DERA: variants seen among roughly 807,000 people sequenced by gnomAD.
DERA encodes deoxyribose-phosphate aldolase.
Under a neutral mutation model 41.1 loss-of-function variants are expected in DERA, and 15 were observed. That is an observed-to-expected ratio of 0.37 (90% confidence interval 0.24 to 0.56). The LOEUF (loss-of-function observed/expected upper bound fraction) is 0.56. Among genes scored for constraint, DERA ranks in the 20% least tolerant of loss-of-function variants. The pLI is 0.81. For synonymous variants in DERA, 139 were observed against 137.4 expected (o/e 1.01, Z -0.08); for missense variants, 396 against 403.4 (o/e 0.98, Z 0.16).
chr12:15,944,121 G>A (rs1028884066), intron 1 of DERA, among the ~76,000 whole-genome samples: 1 of 151,686 alleles, frequency 6.6e-6, no homozygotes, highest in Non-Finnish European at 1.5e-5. Context: ...CTTAATCCAG[G>A]GTATCATTGA....
intron 1 of DERA, among the ~76,000 whole-genome samples, chr12:15,947,002 G>A (rs1443909104): frequency 6.6e-6 from 1 of 152,200 alleles, no homozygotes; most frequent in Admixed American, 6.5e-5. Flanking sequence ...TTATTCAGGA[G>A]CAGGTTGTTC....
chr12:15,912,133 T>G (rs1591994225), intron 1 of DERA, among the ~76,000 whole-genome samples: 1 of 151,620 alleles, frequency 6.6e-6, no homozygotes, highest in Non-Finnish European at 1.5e-5. Context: ...TGAACAAAGG[T>G]CTCTGGTTTT....
At chr12:15,914,395 A>ATT (rs1948185376) in intron 1 of DERA, among the ~76,000 whole-genome samples, 1 of 143,432 alleles carries the variant, frequency 7.0e-6, no homozygotes, top group African/African-American at 2.6e-5. Flanking sequence ...AAAAAAGATA[A>ATT]AAAAAAAAAA....
chr12:15,956,831 G>A (rs759437437), intron 1 of DERA, 105 bp from the exon 2 acceptor site: 5 of 854,558 alleles, frequency 5.9e-6, no homozygotes, highest in East Asian at 2.4e-5. Flanking sequence ...TTAAAAAAAG[G>A]TTGATGTCAA....
At chr12:16,018,228 G>T (rs1273737135) in intron 6 of DERA, among the ~76,000 whole-genome samples, 3 of 151,998 alleles carry the variant, frequency 2.0e-5, no homozygotes, top group Non-Finnish European at 2.9e-5. Context: ...AAGTCTGAAT[G>T]AGATTTTCAA....
In DERA at chr12:15,981,369, A is replaced by G. The variant is rs1483599932; in HGVS notation, c.509-939A>G. ...TCTCAAAAACCAAAAAACAAAAAAC[A>G]AAAAAACCTACTTCCTATGAAAGAT... On this transcript the variant is annotated intron_variant, in intron 5 of 8. Coordinates refer to ENST00000428559, the MANE Select transcript of DERA (RefSeq NM_015954.4). The surrounding 1 kb of genome is among the most constrained non-coding windows in gnomAD (Gnocchi z 6.1). 1.3e-5 allele frequency among the ~76,000 whole-genome samples: 2 copies of G among 152,076 alleles called. No individual in the cohort carries two copies. The highest frequency in any genetic ancestry group is 1.5e-5 in the Non-Finnish European group (1 of 68,000).
chr12:15,964,749 C>G (rs781605908), intron 5 of DERA, among the ~76,000 whole-genome samples: 1 of 152,144 alleles, frequency 6.6e-6, no homozygotes, highest in Non-Finnish European at 1.5e-5. Flanking sequence ...TTATAACTTA[C>G]ACCTTTTATT....
intron 6 of DERA, among the ~76,000 whole-genome samples, chr12:16,005,324 C>T (rs1948901910): frequency 6.6e-6 from 1 of 152,060 alleles, no homozygotes; most frequent in Non-Finnish European, 1.5e-5. Context: ...GGCGCACCTA[C>T]AGTCCTAGCT....
In DERA at chr12:15,940,839, C is replaced by T. The variant is rs983393194; in HGVS notation, c.32-16097C>T. On this transcript the variant is annotated intron_variant, in intron 1 of 8. Coordinates refer to ENST00000428559, the MANE Select transcript of DERA (RefSeq NM_015954.4). The surrounding 1 kb of genome is among the most constrained non-coding windows in gnomAD (Gnocchi z 5.1). ...ACTACTAATTTTTTGAGGTAGATACCGATGCTTTTTAGCAGATTTAGGTCA... is the reference window on the plus strand; with the variant it reads ...ACTACTAATTTTTTGAGGTAGATACTGATGCTTTTTAGCAGATTTAGGTCA... 5.3e-5 allele frequency among the ~76,000 whole-genome samples: 8 copies of T among 151,942 alleles called. No homozygotes were observed. The highest frequency in any genetic ancestry group is 2.1e-4 in the South Asian group (1 of 4,820).
In DERA at chr12:15,982,325, C is replaced by G. The variant is rs757878771; in HGVS notation, c.526C>G (p.Arg176Gly). Residue 176 changes from arginine (R) to glycine (G), a missense_variant, in exon 6 of 9, where the codon CGT (arginine) becomes GGT (glycine). Arg to Gly is a moderately radical substitution (Grantham distance 125). Transcript: ENST00000428559. The surrounding 1 kb of genome is among the most constrained non-coding windows in gnomAD (Gnocchi z 4.0). Reference sequence around the variant, plus strand: ...TTCCCCAGCCCTGTATGATGAGATTCGTCAGTTTCGCAAGGCCTGTGGGGA... The same window carrying G: ...TTCCCCAGCCCTGTATGATGAGATTGGTCAGTTTCGCAAGGCCTGTGGGGA... ...GQWEALYDEIRQFRKACGEAH... is the reference protein window; with the variant it reads ...GQWEALYDEIGQFRKACGEAH... The G allele has an allele frequency of 1.2e-6, 2 of 1,613,140 alleles. No homozygotes were observed. The highest frequency in any genetic ancestry group is 2.2e-5 in the East Asian group (1 of 44,874).
chr12:15,959,552 CTATT>C lies in DERA; in HGVS notation c.278-274_278-271del, dbSNP rs1383871958. 6.6e-6 allele frequency among the ~76,000 whole-genome samples: 1 copy of C among 152,096 alleles called. No individual in the cohort carries two copies. Among genetic ancestry groups the C allele is most frequent in the Non-Finnish European group, 1.5e-5 (1 of 68,030 alleles). On this transcript the variant is annotated intron_variant, in intron 3 of 8. Coordinates refer to ENST00000428559, the MANE Select transcript of DERA (RefSeq NM_015954.4). This position sits in a 1 kb window ranked among gnomAD's most constrained non-coding sequence, Gnocchi z 4.5. ...CATTTAGTAATGATCACCAAATTTA[CTATT>C]TAGACATTTTTAAAAAACAGTACTA... is the stretch of plus-strand genomic sequence containing the variant.
intron 6 of DERA, among the ~76,000 whole-genome samples, chr12:16,028,368 C>T (rs1300741334): frequency 2.0e-5 from 3 of 152,132 alleles, no homozygotes; most frequent in African/African-American, 7.2e-5. Flanking sequence ...ATTATAAACC[C>T]AAGTGTAAAA....
rs547502562 is a variant in DERA at position 15,981,078 on chromosome 12, G to A, written c.509-1230G>A. Among the ~76,000 whole-genome samples the A allele has an allele frequency of 9.5e-4, 144 of 152,224 alleles. No individual in the cohort carries two copies. The highest frequency in any genetic ancestry group is 1.7e-3 in the Non-Finnish European group (115 of 68,020). ...AACTACTTCCTATGGGCCGGGCACC[G>A]TGGCTCACACCTGTAATCCCAGCAC... On this transcript the variant is annotated intron_variant, in intron 5 of 8. Coordinates refer to ENST00000428559, the MANE Select transcript of DERA (RefSeq NM_015954.4). This position sits in a 1 kb window ranked among gnomAD's most constrained non-coding sequence, Gnocchi z 6.1.
At chr12:15,963,578 A>G (rs553579057) in intron 5 of DERA, among the ~76,000 whole-genome samples, 1 of 152,328 alleles carries the variant, frequency 6.6e-6, no homozygotes, top group East Asian at 1.9e-4. Flanking sequence ...TCTGTCTTAA[A>G]TATATTTTGT....
rs1948372658 is a variant in DERA at position 15,936,959 on chromosome 12, C to CTTGTCCTGTCCCGTCCTGT, written c.32-19977_32-19976insTTGTCCTGTCCCGTCCTGT. 7.2e-6 allele frequency among the ~76,000 whole-genome samples: 1 copy of CTTGTCCTGTCCCGTCCTGT among 139,770 alleles called. No homozygotes were observed. The highest frequency in any genetic ancestry group is 3.0e-5 in the African/African-American group (1 of 33,452). The allele number at this position is 139,770 out of a possible 152,430, so 91.7% of individuals were successfully genotyped here. A position where few individuals can be genotyped will look rare whatever the true frequency, so the allele number is the denominator to read the frequency against. On this transcript the variant is annotated intron_variant, in intron 1 of 8. Coordinates refer to ENST00000428559, the MANE Select transcript of DERA (RefSeq NM_015954.4). The surrounding 1 kb of genome is among the most constrained non-coding windows in gnomAD (Gnocchi z 4.6). The stretch of plus-strand genomic sequence containing the variant: ...TCTTGTCCTGTCCCGTCCTGTCCTG[C>CTTGTCCTGTCCCGTCCTGT]CCTGCCCTGCCCTGTCTTGTCTTTC...
intron 1 of DERA, among the ~76,000 whole-genome samples, chr12:15,916,619 T>G (rs1948202083): frequency 6.6e-6 from 1 of 151,894 alleles, no homozygotes; most frequent in Non-Finnish European, 1.5e-5. Flanking sequence ...CCCAGCTAGT[T>G]TTTGTATTTT....
In DERA at chr12:15,984,214, T is replaced by A. The variant is rs979057076; in HGVS notation, c.637+1778T>A. ...GTGATACCTGTTACCCCAGCTGTTATCCTGGTCACAATGAAAGTGTATTCA... is the reference window on the plus strand; with the variant it reads ...GTGATACCTGTTACCCCAGCTGTTAACCTGGTCACAATGAAAGTGTATTCA... On this transcript the variant is annotated intron_variant, in intron 6 of 8. Transcript: ENST00000428559. The surrounding 1 kb of genome is among the most constrained non-coding windows in gnomAD (Gnocchi z 4.5). Among the ~76,000 whole-genome samples the A allele has an allele frequency of 1.3e-5, 2 of 152,150 alleles. No homozygotes were observed. Among genetic ancestry groups the A allele is most frequent in the African/African-American group, 4.8e-5 (2 of 41,428 alleles).
chr12:15,990,689 G>A lies in DERA; in HGVS notation c.637+8253G>A, dbSNP rs1392700110. On this transcript the variant is annotated intron_variant, in intron 6 of 8. Transcript: ENST00000428559. This position sits in a 1 kb window ranked among gnomAD's most constrained non-coding sequence, Gnocchi z 4.3. ...CATCATTTAGCTCCCACTTATAAGT[G>A]AGAGCATTTGGTATTTGGTTTTCTG... Among the ~76,000 whole-genome samples, 1 of 152,094 alleles carries A rather than the reference G, an allele frequency of 6.6e-6. No individual in the cohort carries two copies. Among genetic ancestry groups the A allele is most frequent in the Admixed American group, 6.5e-5 (1 of 15,278 alleles).
At chr12:16,025,482 G>T (rs1213440911) in intron 6 of DERA, among the ~76,000 whole-genome samples, 1 of 151,936 alleles carries the variant, frequency 6.6e-6, no homozygotes, top group Non-Finnish European at 1.5e-5. Context: ...ATGATGAGGG[G>T]GTCATTTCTC....
Sources: allele counts gnomAD v4.1 joint callset (sites outside exome capture counted in the v4.1 genomes callset), GRCh38; gene constraint gnomAD v4.1.1; non-coding constraint Gnocchi (gnomAD v3.1); transcripts MANE v1.5; gene names NCBI Gene and HGNC (gene_info 2026-07-23, HGNC 2026-07-21).